The following SYT16 variants were observed in gnomAD, a reference collection of about 807,000 sequenced individuals.
SYT16 encodes the protein synaptotagmin-16.
In SYT16, 42 loss-of-function variants were observed where a neutral mutation model predicts 61.4. The ratio of observed to expected loss-of-function variants is 0.68; its 90% CI spans 0.53 to 0.89. SYT16 has a LOEUF of 0.89. Ranked by LOEUF, SYT16 falls within the 40% of genes least tolerant of loss-of-function variation. SYT16 has a pLI of 0.00. For synonymous variants in SYT16, 314 were observed against 302.3 expected (o/e 1.04, Z -0.40); for missense variants, 804 against 807.3 (o/e 1.00, Z 0.05).
At position 62,080,881 on chromosome 14, in the gene SYT16, C is replaced by T. The variant is rs1376770308; in HGVS notation, c.1041C>T (p.Pro347=). The T allele has an allele frequency of 6.2e-7, 1 of 1,604,740 alleles. No individual in the cohort carries two copies. The highest frequency in any genetic ancestry group is 2.2e-5 in the East Asian group (1 of 44,620). ...NLQVPSGVSE[P]ISKCGDLDVI... is the part of the protein sequence containing the mutation. ...AGGTGCCATCCGGGGTCTCAGAGCCCATCTCAAAGTGTGGTGACCTAGATG... is the reference window on the plus strand; with the variant it reads ...AGGTGCCATCCGGGGTCTCAGAGCCTATCTCAAAGTGTGGTGACCTAGATG... Residue 347 remains proline (P), a synonymous_variant, in exon 6 of 8, where the codon CCC becomes CCT. Transcript: ENST00000683842.
rs1306935665 is a variant in SYT16, at chr14:62,109,808, T to A, written c.*9101T>A. 4 of 152,208 alleles carry A rather than the reference T, an allele frequency of 2.6e-5. No homozygotes were observed. Among genetic ancestry groups the A allele is most frequent in the Non-Finnish European group, 5.9e-5 (4 of 68,008 alleles). The allele number at this position is 152,208 out of a possible 1,614,324, so 9.4% of individuals were successfully genotyped here. On this transcript the variant is annotated 3_prime_UTR_variant, in exon 8 of 8. Coordinates refer to ENST00000683842, the MANE Select transcript of SYT16 (RefSeq NM_001367656.1). ...AAAATCACCTTCTGTCGCTAGTTTA[T>A]ATGACTTTACATTTACCACTCCTGC...
chr14:61,973,405 T>G (rs1052902765), intron 2 of SYT16, among the ~76,000 whole-genome samples: 16 of 152,188 alleles, frequency 1.1e-4, no homozygotes, highest in Admixed American at 8.5e-4. Context: ...GCATTTTACA[T>G]GCATTGTTAT....
intron 3 of SYT16, among the ~76,000 whole-genome samples, chr14:62,042,347 G>C (rs979093536): frequency 6.6e-6 from 1 of 152,022 alleles, no homozygotes; most frequent in Non-Finnish European, 1.5e-5. Flanking sequence ...TTTTACCTTT[G>C]CGTGCAAGAT....
intron 3 of SYT16, among the ~76,000 whole-genome samples, chr14:62,020,815 A>G (rs897407603): frequency 4.6e-5 from 7 of 152,050 alleles, no homozygotes; most frequent in Admixed American, 3.3e-4. Flanking sequence ...GGCACACACC[A>G]CCTATGCTGC....
chr14:61,899,800 C>A (rs1027123329), intron 1 of SYT16, among the ~76,000 whole-genome samples: 1 of 152,112 alleles, frequency 6.6e-6, no homozygotes, highest in Non-Finnish European at 1.5e-5. Flanking sequence ...GAGGAGGTTC[C>A]TTTATTCTTA....
chr14:61,883,297 A>C (rs892852990), intron 1 of SYT16, among the ~76,000 whole-genome samples: 2 of 152,156 alleles, frequency 1.3e-5, no homozygotes, highest in African/African-American at 4.8e-5. Context: ...TTGGACTGCA[A>C]ATTTTTCAAA....
At chr14:61,984,810 GT>G in intron 2 of SYT16, among the ~76,000 whole-genome samples, 1 of 152,292 alleles carries the variant, frequency 6.6e-6, no homozygotes, top group East Asian at 1.9e-4. Context: ...ACACATGTAT[GT>G]AGAATTAGTT....
chr14:62,034,918 C>A (rs2054450331), intron 3 of SYT16, among the ~76,000 whole-genome samples: 1 of 152,108 alleles, frequency 6.6e-6, no homozygotes, highest in Admixed American at 6.6e-5. Context: ...AAAAACTGTT[C>A]CAGTTGATCT....
At chr14:62,062,852 G>A (rs1352819460) in intron 3 of SYT16, among the ~76,000 whole-genome samples, 1 of 152,066 alleles carries the variant, frequency 6.6e-6, no homozygotes, top group Non-Finnish European at 1.5e-5. Flanking sequence ...TCTACTTCCC[G>A]TCTGTACGAT....
chr14:62,084,530 A>G (rs2088410227), intron 7 of SYT16, 145 bp downstream of exon 7: 2 of 866,534 alleles, frequency 2.3e-6, no homozygotes, highest in Non-Finnish European at 3.4e-6. Context: ...ATACCTCTGT[A>G]TTTTTTAAAT....
intron 3 of SYT16, among the ~76,000 whole-genome samples, chr14:62,037,192 CT>C (rs5809138): frequency 0.59 from 89,280 of 150,840 alleles, 26,751 homozygotes; most frequent in African/African-American, 0.68. Flanking sequence ...GAAGCATGAG[CT>C]TTTTTTTTTA....
rs566729590 is a variant in SYT16, at chr14:61,916,154, C to T, written c.-324-53978C>T. On this transcript the variant is annotated intron_variant, in intron 1 of 7. Coordinates refer to ENST00000683842, the MANE Select transcript of SYT16 (RefSeq NM_001367656.1). ...TGTATTTGAAAACCATTTTAGAATT[C>T]CAAATCAATAACTTCAACCTTCTTA... is the stretch of plus-strand genomic sequence containing the variant. Among the ~76,000 whole-genome samples the T allele has an allele frequency of 3.3e-5, 5 of 152,206 alleles. No individual in the cohort carries two copies. In the South Asian group the frequency reaches 1.0e-3, roughly 32 times the overall value.
intron 5 of SYT16, among the ~76,000 whole-genome samples, chr14:62,075,620 G>A (rs12437299): frequency 0.048 from 4,398 of 91,308 alleles, 174 homozygotes; most frequent in African/African-American, 0.14. Context: ...AAAAAAAAAA[G>A]AAAAAAAGAA....
At chr14:61,955,356 C>T (rs188235148) in intron 1 of SYT16, among the ~76,000 whole-genome samples, 3 of 152,124 alleles carry the variant, frequency 2.0e-5, no homozygotes, top group Admixed American at 6.5e-5. Context: ...ACAGTATTGT[C>T]GATCATAGGC....
At chr14:62,016,299 A>G (rs185456436) in intron 3 of SYT16, among the ~76,000 whole-genome samples, 6 of 152,230 alleles carry the variant, frequency 3.9e-5, no homozygotes, top group Non-Finnish European at 7.3e-5. Context: ...GATGTTATAC[A>G]TACCAGAGAG....
intron 4 of SYT16, among the ~76,000 whole-genome samples, chr14:62,072,732 C>T (rs1014533833): frequency 1.3e-5 from 2 of 152,096 alleles, no homozygotes; most frequent in Non-Finnish European, 2.9e-5. Context: ...GCCAAGTTGA[C>T]GCATAAAACT....
At chr14:62,020,227 A>C (rs1340241807) in intron 3 of SYT16, among the ~76,000 whole-genome samples, 1 of 152,150 alleles carries the variant, frequency 6.6e-6, no homozygotes. Flanking sequence ...AATGTTTAAA[A>C]GCCTCAATTA....
At chr14:61,855,412 C>T (rs1049356514) in intron 1 of SYT16, among the ~76,000 whole-genome samples, 3 of 152,194 alleles carry the variant, frequency 2.0e-5, no homozygotes, top group Non-Finnish European at 4.4e-5. Context: ...TGCCAAACAT[C>T]ATAGTTTAGC....
intron 5 of SYT16, among the ~76,000 whole-genome samples, chr14:62,076,853 C>G (rs910793609): frequency 6.6e-6 from 1 of 152,202 alleles, no homozygotes; most frequent in Non-Finnish European, 1.5e-5. Flanking sequence ...GAAGTGACTT[C>G]TCCAGGTCAC....
Sources: gnomAD v4.1 joint callset for allele counts (sites outside exome capture counted in the v4.1 genomes callset) on GRCh38, gnomAD v4.1.1 for gene constraint, MANE v1.5 for transcripts, NCBI Gene and HGNC (gene_info 2026-07-23, HGNC 2026-07-21) for gene names.